Variants in SETD2 observed in about 807,000 individuals in gnomAD.
The protein encoded by SETD2 is histone-lysine N-methyltransferase SETD2.
In SETD2, 31 loss-of-function variants were observed where a neutral mutation model predicts 242.1. The observed-to-expected ratio is 0.13, with a 90% CI of 0.10 to 0.17. The LOEUF is 0.17. SETD2 is among the 10% of genes least tolerant of loss of function. The pLI, the probability that SETD2 is intolerant of heterozygous loss-of-function variation, is 1.00. For synonymous variants in SETD2, 1,006 were observed against 1,066.5 expected, an observed-to-expected ratio of 0.94 and a Z score of 1.11; for missense variants, 2,481 against 3,046.3, an observed-to-expected ratio of 0.81 and a Z score of 4.37.
At chr3:47,139,820 A>C (rs959024933) in intron 1 of SETD2, among the ~76,000 whole-genome samples, 2 of 152,208 alleles carry the variant, frequency 1.3e-5, no homozygotes, top group Non-Finnish European at 2.9e-5. Flanking sequence ...AAGACATTGA[A>C]ATTTCAGGTA....
intron 12 of SETD2, among the ~76,000 whole-genome samples, chr3:47,070,151 T>G (rs1165859652): frequency 2.0e-5 from 3 of 152,230 alleles, no homozygotes; most frequent in African/African-American, 4.8e-5. Context: ...GGGGACCCAC[T>G]CTGTAGCGGC....
At chr3:47,051,787 A>G (rs1377232047) in intron 15 of SETD2, among the ~76,000 whole-genome samples, 1 of 152,212 alleles carries the variant, frequency 6.6e-6, no homozygotes, top group Non-Finnish European at 1.5e-5. Flanking sequence ...CAGGAAGTCA[A>G]TCATCCAAAT....
intron 5 of SETD2, among the ~76,000 whole-genome samples, chr3:47,109,622 T>C (rs1380281883): frequency 6.6e-6 from 1 of 152,044 alleles, no homozygotes; most frequent in African/African-American, 2.4e-5. Context: ...CATTCAAGCC[T>C]GGGCAACACA....
intron 5 of SETD2, among the ~76,000 whole-genome samples, chr3:47,110,176 C>T (rs1010561353): frequency 2.0e-5 from 3 of 152,104 alleles, no homozygotes; most frequent in Admixed American, 1.3e-4. Flanking sequence ...CAAAAGGCCA[C>T]ATATTGTATA....
Position 47,121,589 on chromosome 3 carries a change from G to A in SETD2, c.3047C>T (p.Thr1016Ile), listed in dbSNP as rs2106655051. 1.2e-6 allele frequency: 2 copies of A among 1,614,114 alleles called. No homozygotes were observed. The highest frequency in any genetic ancestry group is 2.2e-5 in the East Asian group (1 of 44,856). Residue 1016 changes from threonine to isoleucine, a missense_variant, in exon 3 of 21, where the codon ACT (threonine) becomes ATT (isoleucine). Transcript: ENST00000409792. ...ACTACTGTCACACTTTAATGCATAAGTTACACCATCACTGTCTTCCATGGT... is the reference window on the plus strand; with the variant it reads ...ACTACTGTCACACTTTAATGCATAAATTACACCATCACTGTCTTCCATGGT... Reference protein sequence around the residue: ...NLTMEDSDGVTYALKCDSSGH... With the variant: ...NLTMEDSDGVIYALKCDSSGH...
At chr3:47,037,328 G>A (rs372652919) in intron 18 of SETD2, among the ~76,000 whole-genome samples, 114 of 120,324 alleles carry the variant, frequency 9.5e-4, no homozygotes, top group African/African-American at 3.5e-3. Context: ...TCCCCTTCCT[G>A]TGTCCATGTG....
At chr3:47,129,692 C>T (rs2106754182) in intron 1 of SETD2, among the ~76,000 whole-genome samples, 1 of 152,194 alleles carries the variant, frequency 6.6e-6, no homozygotes, top group South Asian at 2.1e-4. Context: ...TCAAGACCAC[C>T]CTGCCCAACG....
chr3:47,064,301 C>G (rs1294341892), intron 13 of SETD2, among the ~76,000 whole-genome samples: 1 of 152,096 alleles, frequency 6.6e-6, no homozygotes, highest in Non-Finnish European at 1.5e-5. Flanking sequence ...TATGAGCATT[C>G]GTCAACAAGA....
chr3:47,085,782 A>T (rs1473063180), intron 11 of SETD2, among the ~76,000 whole-genome samples: 1 of 152,232 alleles, frequency 6.6e-6, no homozygotes, highest in Non-Finnish European at 1.5e-5. Context: ...TATTTAAAAG[A>T]TTCCTCAAAA....
At chr3:47,041,178 C>A (rs1296037257) in intron 17 of SETD2, among the ~76,000 whole-genome samples, 1 of 152,084 alleles carries the variant, frequency 6.6e-6, no homozygotes, top group Non-Finnish European at 1.5e-5. Context: ...AATATTTTGA[C>A]CTGTGGGCCA....
chr3:47,125,350 A>G (rs2043289141), intron 2 of SETD2, among the ~76,000 whole-genome samples: 2 of 151,830 alleles, frequency 1.3e-5, no homozygotes. Flanking sequence ...ATTAAAAAAA[A>G]AAACATACTC....
chr3:47,024,203 T>TC (rs2038364508), intron 18 of SETD2, among the ~76,000 whole-genome samples: 1 of 152,186 alleles, frequency 6.6e-6, no homozygotes, highest in Non-Finnish European at 1.5e-5. Flanking sequence ...CCAGGCGTGG[T>TC]GACTCACGCC....
chr3:47,062,677 T>C (rs1212868862), intron 13 of SETD2, among the ~76,000 whole-genome samples: 4 of 152,236 alleles, frequency 2.6e-5, no homozygotes, highest in Non-Finnish European at 4.4e-5. Flanking sequence ...GGCAGTTTAC[T>C]TGCCAGTTCA....
intron 10 of SETD2, 149 bp from the exon 11 acceptor site, chr3:47,086,463 G>T: frequency 1.6e-6 from 1 of 634,482 alleles, no homozygotes; most frequent in South Asian, 2.2e-5. Context: ...GTTTTCATTA[G>T]CCTAAATAGA....
chr3:47,067,230 C>G, intron 12 of SETD2, 112 bp from the exon 13 acceptor site: 1 of 799,930 alleles, frequency 1.3e-6, no homozygotes, highest in Non-Finnish European at 2.1e-6. Flanking sequence ...CAAGCTGGTA[C>G]TTATTCTCTA....
chr3:47,077,914 T>C (rs1286297667), intron 12 of SETD2, among the ~76,000 whole-genome samples: 2 of 152,210 alleles, frequency 1.3e-5, no homozygotes, highest in East Asian at 1.9e-4. Flanking sequence ...ATGAAGTTAA[T>C]GGATTATAAT....
At chr3:47,079,811 A>G (rs1014643255) in intron 12 of SETD2, among the ~76,000 whole-genome samples, 12 of 152,254 alleles carry the variant, frequency 7.9e-5, no homozygotes, top group Admixed American at 4.6e-4. Flanking sequence ...GATTTAGATG[A>G]AAGTATTTGG....
chr3:47,018,209 C>T (rs1169861439), intron 19 of SETD2, among the ~76,000 whole-genome samples: 1 of 152,162 alleles, frequency 6.6e-6, no homozygotes, highest in Non-Finnish European at 1.5e-5. Flanking sequence ...GGTCATACCA[C>T]AGCATGTGAA....
intron 9 of SETD2, among the ~76,000 whole-genome samples, chr3:47,094,062 G>A (rs1373204799): frequency 6.6e-6 from 1 of 152,076 alleles, no homozygotes; most frequent in East Asian, 1.9e-4. Context: ...CATTTGTTAT[G>A]AGTTGAAAGT....
Sources: allele counts gnomAD v4.1 joint callset (sites outside exome capture counted in the v4.1 genomes callset), GRCh38; gene constraint gnomAD v4.1.1; transcripts MANE v1.5; gene names NCBI Gene and HGNC (gene_info 2026-07-23, HGNC 2026-07-21).